Variants in PRKN observed in about 807,000 individuals in gnomAD.
PRKN encodes parkin RBR E3 ubiquitin protein ligase.
In PRKN, 56 loss-of-function variants were observed where a neutral mutation model predicts 59.5. That is an observed-to-expected ratio of 0.94 (90% CI 0.76 to 1.18). The LOEUF (loss-of-function observed/expected upper bound fraction) is 1.18, where lower values mean the gene tolerates loss of function less well. Ranked by LOEUF, PRKN falls within the 50% of genes most tolerant of loss-of-function variation. The pLI is 0.00. For missense variants in PRKN, 657 were observed against 596.4 expected (o/e 1.10, Z -1.06); for synonymous variants, 250 against 222.1 (o/e 1.13, Z -1.12).
At chr6:162,403,287 T>C (rs550820193) in intron 2 of PRKN, among the ~76,000 whole-genome samples, 9 of 152,148 alleles carry the variant, frequency 5.9e-5, no homozygotes, top group Admixed American at 2.6e-4. Flanking sequence ...CCTTGGAGCT[T>C]TGGGCTTGCT....
intron 1 of PRKN, among the ~76,000 whole-genome samples, chr6:162,484,615 C>T (rs895694270): frequency 2.0e-5 from 3 of 152,246 alleles, no homozygotes; most frequent in South Asian, 4.2e-4. Context: ...GTTAGCCTTC[C>T]GAATCAAGAG....
chr6:162,171,107 C>T (rs1376584233), intron 4 of PRKN, among the ~76,000 whole-genome samples: 5 of 151,972 alleles, frequency 3.3e-5, no homozygotes, highest in Admixed American at 2.0e-4. Context: ...GTTGAATAGA[C>T]ACCATTGCCT....
At chr6:161,879,062 C>T (rs1196630933) in intron 6 of PRKN, among the ~76,000 whole-genome samples, 1 of 152,098 alleles carries the variant, frequency 6.6e-6, no homozygotes, top group Admixed American at 6.5e-5. Context: ...CCCTCTGCTC[C>T]AAACCTTATA....
At chr6:161,976,873 C>T (rs1218696903) in intron 5 of PRKN, among the ~76,000 whole-genome samples, 1 of 152,196 alleles carries the variant, frequency 6.6e-6, no homozygotes, top group African/African-American at 2.4e-5. Flanking sequence ...GGACATTCAG[C>T]TAACAAATCA....
chr6:162,100,240 G>A (rs1019907756), intron 4 of PRKN, among the ~76,000 whole-genome samples: 7 of 152,104 alleles, frequency 4.6e-5, no homozygotes, highest in African/African-American at 1.7e-4. Flanking sequence ...AAAGGACATG[G>A]GAGTGCAGAC....
chr6:161,952,489 C>T lies in PRKN; in HGVS notation c.734+20813G>A, dbSNP rs1330195810. Reference sequence around the variant, plus strand: ...AAAAAATTAGCTGGGGATGGTGGCGCACATCTGTGGTTTCAGCCAGTTGGG... The same window carrying T: ...AAAAAATTAGCTGGGGATGGTGGCGTACATCTGTGGTTTCAGCCAGTTGGG... On this transcript the variant is annotated intron_variant, in intron 6 of 11. Transcript: ENST00000366898. Among the ~76,000 whole-genome samples the T allele has an allele frequency of 2.0e-5, 3 of 151,992 alleles. No individual in the cohort carries two copies. In the East Asian group the frequency reaches 5.8e-4, roughly 29 times the overall value.
intron 6 of PRKN, among the ~76,000 whole-genome samples, chr6:161,825,725 C>T (rs377166915): frequency 9.2e-5 from 14 of 152,162 alleles, no homozygotes; most frequent in African/African-American, 2.2e-4. Flanking sequence ...CTGCTCCCCC[C>T]GGGACACACC....
At chr6:161,697,730 C>T (rs981695547) in intron 7 of PRKN, among the ~76,000 whole-genome samples, 1 of 152,108 alleles carries the variant, frequency 6.6e-6, no homozygotes, top group Non-Finnish European at 1.5e-5. Flanking sequence ...TCCAGGAAAA[C>T]TCAATTCACC....
At chr6:162,233,559 C>A (rs1778514451) in intron 3 of PRKN, among the ~76,000 whole-genome samples, 1 of 152,150 alleles carries the variant, frequency 6.6e-6, no homozygotes, top group African/African-American at 2.4e-5. Flanking sequence ...ACCTCCTCCT[C>A]ATTTTATAGA....
At chr6:162,034,326 A>G (rs1783760377) in intron 5 of PRKN, among the ~76,000 whole-genome samples, 1 of 152,076 alleles carries the variant, frequency 6.6e-6, no homozygotes. Flanking sequence ...TCCCTATGTT[A>G]AAAGTGCAGA....
At chr6:161,915,890 C>T (rs1203197202) in intron 6 of PRKN, among the ~76,000 whole-genome samples, 2 of 152,124 alleles carry the variant, frequency 1.3e-5, no homozygotes, top group Admixed American at 1.3e-4. Flanking sequence ...CCCCATCAAA[C>T]TGAACAATGT....
chr6:162,176,034 C>A (rs185898301), intron 4 of PRKN, among the ~76,000 whole-genome samples: 2 of 152,272 alleles, frequency 1.3e-5, no homozygotes, highest in East Asian at 3.9e-4. Context: ...GATCCTCTGG[C>A]AATATGGTAG....
At chr6:162,341,298 C>T (rs1053129404) in intron 2 of PRKN, among the ~76,000 whole-genome samples, 1 of 152,120 alleles carries the variant, frequency 6.6e-6, no homozygotes, top group African/African-American at 2.4e-5. Flanking sequence ...AACACTTTTA[C>T]ACTATTGGTG....
At chr6:162,436,069 G>A (rs1583568966) in intron 2 of PRKN, among the ~76,000 whole-genome samples, 1 of 148,206 alleles carries the variant, frequency 6.7e-6, no homozygotes, top group South Asian at 2.2e-4. Context: ...CCAGCGACTT[G>A]AGAGGCTGAG....
chr6:162,686,824 G>A lies in PRKN; in HGVS notation c.7+40838C>T, dbSNP rs975512054. Among the ~76,000 whole-genome samples, 18 of 152,084 alleles carry A rather than the reference G, an allele frequency of 1.2e-4. 1 individual carries two copies. The highest frequency in any genetic ancestry group is 5.9e-5 in the Non-Finnish European group (4 of 68,020). ...TTTTTCAAAGATCAGCTGGCACTCC[G>A]TAGATATATGGCTTTATTTCTGGGT... On this transcript the variant is annotated intron_variant, in intron 1 of 11. Transcript: ENST00000366898.
intron 5 of PRKN, among the ~76,000 whole-genome samples, chr6:162,005,023 C>T (rs182498070): frequency 1.3e-5 from 2 of 152,260 alleles, no homozygotes; most frequent in East Asian, 3.9e-4. Flanking sequence ...GAAGACTTGC[C>T]TGTAAAGGCA....
At chr6:162,026,535 T>A (rs751283775) in intron 5 of PRKN, among the ~76,000 whole-genome samples, 33 of 152,212 alleles carry the variant, frequency 2.2e-4, no homozygotes, top group Non-Finnish European at 4.6e-4. Flanking sequence ...CTAAAAGAGA[T>A]GCTTTTGCTG....
Position 161,446,327 on chromosome 6 carries a change from TG to T in PRKN, c.1084-59451del, listed in dbSNP as rs1174626641. On this transcript the variant is annotated intron_variant, in intron 9 of 11. Transcript: ENST00000366898. This position sits in a 1 kb window ranked among gnomAD's most constrained non-coding sequence, Gnocchi z 6.2. The stretch of plus-strand genomic sequence containing the variant: ...AGGGAGCACCATGCTTGTAGGCCTT[TG>T]GGGAGGTTTCGAGGTCCAAGTGTGA... Among the ~76,000 whole-genome samples, 2 of 152,046 alleles carry T rather than the reference TG, an allele frequency of 1.3e-5. No homozygotes were observed. The highest frequency in any genetic ancestry group is 2.9e-5 in the Non-Finnish European group (2 of 68,000).
At chr6:161,634,434 T>C (rs1047693147) in intron 7 of PRKN, among the ~76,000 whole-genome samples, 3 of 152,044 alleles carry the variant, frequency 2.0e-5, no homozygotes, top group Non-Finnish European at 4.4e-5. Flanking sequence ...CCCACAAGTA[T>C]CTCCATCTTA....
Sources: gnomAD v4.1 joint callset for allele counts (sites outside exome capture counted in the v4.1 genomes callset) on GRCh38, gnomAD v4.1.1 for gene constraint, Gnocchi (gnomAD v3.1) non-coding constraint, MANE v1.5 for transcripts, NCBI Gene and HGNC (gene_info 2026-07-23, HGNC 2026-07-21) for gene names.